The following CSMD1 variants were observed in gnomAD, a reference collection of about 807,000 sequenced individuals.
CSMD1 encodes the protein CUB and sushi domain-containing protein 1.
A neutral mutation model predicts 417.5 loss-of-function variants in CSMD1; 213 were observed. The ratio of observed to expected loss-of-function variants is 0.51; its 90% CI spans 0.46 to 0.57. CSMD1 has a LOEUF of 0.57. Ranked by LOEUF, CSMD1 falls within the 20% of genes least tolerant of loss-of-function variation. The probability of loss-of-function intolerance (pLI) is 0.00; values close to 1 mark genes in which losing one functional copy is unlikely to be tolerated. For synonymous variants in CSMD1, 2,862 were observed against 1,736.8 expected (o/e 1.65, Z -16.11); for missense variants, 6,923 against 4,529.7 (o/e 1.53, Z -15.17).
chr8:3,583,864 T>C (rs1356098804), intron 9 of CSMD1, among the ~76,000 whole-genome samples: 2 of 151,814 alleles, frequency 1.3e-5, no homozygotes, highest in Non-Finnish European at 2.9e-5. Context: ...TGAGGGTTTC[T>C]TATCCATCTT....
At chr8:4,198,133 T>C (rs992417340) in intron 3 of CSMD1, among the ~76,000 whole-genome samples, 1 of 152,074 alleles carries the variant, frequency 6.6e-6, no homozygotes, top group Non-Finnish European at 1.5e-5. Context: ...GTTCTTTGAG[T>C]TGAGTCTTAA....
intron 5 of CSMD1, among the ~76,000 whole-genome samples, chr8:3,986,003 C>G (rs1158005677): frequency 6.6e-6 from 1 of 152,000 alleles, no homozygotes; most frequent in Non-Finnish European, 1.5e-5. Context: ...CCAGGCCCCA[C>G]CCACTCCCCT....
At chr8:3,605,236 C>G (rs2449170) in intron 8 of CSMD1, among the ~76,000 whole-genome samples, 2 of 151,992 alleles carry the variant, frequency 1.3e-5, no homozygotes, top group Middle Eastern at 3.2e-3. Flanking sequence ...GTGATCCACC[C>G]GCCTCGGCCT....
chr8:3,557,333 C>A (rs1799201691), intron 10 of CSMD1, among the ~76,000 whole-genome samples: 1 of 152,178 alleles, frequency 6.6e-6, no homozygotes, highest in South Asian at 2.1e-4. Flanking sequence ...ACCATCGCTG[C>A]CTCTCTAGTG....
intron 7 of CSMD1, among the ~76,000 whole-genome samples, chr8:3,695,895 T>C (rs1054043579): frequency 2.6e-5 from 4 of 152,210 alleles, no homozygotes; most frequent in Non-Finnish European, 5.9e-5. Context: ...TTGTACTCAT[T>C]TGATATCTTT....
At chr8:4,965,918 G>A (rs535942512) in intron 1 of CSMD1, among the ~76,000 whole-genome samples, 1 of 152,122 alleles carries the variant, frequency 6.6e-6, no homozygotes, top group Non-Finnish European at 1.5e-5. Context: ...AGCAGGATGT[G>A]TATGTAATTT....
chr8:4,150,224 G>A (rs570732230), intron 3 of CSMD1, among the ~76,000 whole-genome samples: 2 of 152,104 alleles, frequency 1.3e-5, no homozygotes, highest in Non-Finnish European at 2.9e-5. Context: ...AGGAAAACAG[G>A]GCCATTTTTC....
intron 5 of CSMD1, among the ~76,000 whole-genome samples, chr8:3,986,048 C>T (rs960309367): frequency 3.3e-5 from 5 of 152,058 alleles, no homozygotes; most frequent in African/African-American, 1.2e-4. Flanking sequence ...CTGTCTTTTC[C>T]TCTTCATTAT....
chr8:4,131,849 A>G (rs956800204), intron 3 of CSMD1, among the ~76,000 whole-genome samples: 3 of 133,400 alleles, frequency 2.2e-5, no homozygotes, highest in Non-Finnish European at 3.0e-5. Context: ...TGCAAGCTCC[A>G]TCTCCCAGGT....
intron 1 of CSMD1, among the ~76,000 whole-genome samples, chr8:4,722,837 T>G (rs892596368): frequency 6.6e-6 from 1 of 152,162 alleles, no homozygotes; most frequent in Non-Finnish European, 1.5e-5. Context: ...TAAATACTAC[T>G]GGAATGACAC....
intron 1 of CSMD1, among the ~76,000 whole-genome samples, chr8:4,850,666 AC>A (rs369770363): frequency 7.3e-5 from 11 of 151,046 alleles, no homozygotes; most frequent in African/African-American, 2.7e-4. Context: ...CTTGCTCCTT[AC>A]CCCCTTAGCT....
intron 5 of CSMD1, among the ~76,000 whole-genome samples, chr8:3,766,166 G>T (rs948790177): frequency 3.9e-5 from 6 of 152,170 alleles, no homozygotes; most frequent in Non-Finnish European, 8.8e-5. Flanking sequence ...TGTACTTTGG[G>T]CCTCCTGTCC....
intron 3 of CSMD1, among the ~76,000 whole-genome samples, chr8:4,060,066 C>A (rs1304638672): frequency 4.6e-5 from 7 of 152,206 alleles, no homozygotes; most frequent in African/African-American, 9.6e-5. Context: ...CAAACCGAAT[C>A]CAGCAGCACA....
chr8:3,488,762 T>A (rs1818201968), intron 11 of CSMD1, among the ~76,000 whole-genome samples: 1 of 152,110 alleles, frequency 6.6e-6, no homozygotes, highest in Non-Finnish European at 1.5e-5. Flanking sequence ...AAGAACAGGG[T>A]TCAAACAGTT....
chr8:2,977,706 C>G (rs1805053187), intron 55 of CSMD1, among the ~76,000 whole-genome samples: 3 of 152,116 alleles, frequency 2.0e-5, no homozygotes, highest in African/African-American at 2.4e-5. Flanking sequence ...TATCCAGAAT[C>G]TACAAGGAAC....
In CSMD1 at chr8:3,303,828, G is replaced by A. The variant is rs139667923; in HGVS notation, c.3950+3867C>T. Reference sequence around the variant, plus strand: ...GGGGCTAAATTTTCTACAATGTCTTGTGATTAGACTTTTAATTAAATTTGG... The same window carrying A: ...GGGGCTAAATTTTCTACAATGTCTTATGATTAGACTTTTAATTAAATTTGG... On this transcript the variant is annotated intron_variant, in intron 25 of 69. Transcript: ENST00000635120. Among the ~76,000 whole-genome samples, 295 of 152,278 alleles carry A rather than the reference G, an allele frequency of 1.9e-3. 3 individuals are homozygous for A. Among genetic ancestry groups the A allele is most frequent in the African/African-American group, 6.6e-3 (275 of 41,554 alleles).
chr8:4,296,737 G>A (rs1170062926), intron 3 of CSMD1, among the ~76,000 whole-genome samples: 2 of 104,810 alleles, frequency 1.9e-5, no homozygotes, highest in African/African-American at 3.6e-5. Context: ...ACACTCTATT[G>A]GGTATATTTC....
intron 3 of CSMD1, among the ~76,000 whole-genome samples, chr8:4,181,418 C>T (rs1224201023): frequency 6.6e-6 from 1 of 151,666 alleles, no homozygotes; most frequent in Non-Finnish European, 1.5e-5. Context: ...AATCTTTTGG[C>T]TTCCCTGGGC....
chr8:3,392,599 G>A (rs913293070), intron 17 of CSMD1, among the ~76,000 whole-genome samples: 4 of 151,970 alleles, frequency 2.6e-5, no homozygotes, highest in Admixed American at 6.6e-5. Context: ...CCTGGAGCCC[G>A]GGATCTGCGT....
Sources: gnomAD v4.1 joint callset for allele counts (sites outside exome capture counted in the v4.1 genomes callset) on GRCh38, gnomAD v4.1.1 for gene constraint, MANE v1.5 for transcripts, NCBI Gene and HGNC (gene_info 2026-07-23, HGNC 2026-07-21) for gene names.